The following STAC variants were observed in gnomAD, a reference collection of about 807,000 sequenced individuals.
The protein encoded by STAC is SH3 and cysteine rich domain, also known as SH3 and cysteine-rich domain-containing protein.
Under a neutral mutation model 48.8 loss-of-function variants are expected in STAC, and 43 were observed. The ratio of observed to expected loss-of-function variants is 0.88; its 90% CI spans 0.69 to 1.14. The LOEUF (loss-of-function observed/expected upper bound fraction) is 1.14. Among genes scored for constraint, STAC ranks in the 50% most tolerant of loss-of-function variants. The pLI is 0.00. For missense variants in STAC, 497 were observed against 504.0 expected, an observed-to-expected ratio of 0.99 and a Z score of 0.13; for synonymous variants, 193 against 179.5, an observed-to-expected ratio of 1.07 and a Z score of -0.60.
chr3:36,410,906 A>G (rs1700180268), intron 1 of STAC, among the ~76,000 whole-genome samples: 1 of 152,202 alleles, frequency 6.6e-6, no homozygotes, highest in African/African-American at 2.4e-5. Context: ...GGGACTATAC[A>G]TTTACGGGAT....
chr3:36,426,715 G>A (rs1281291939), intron 1 of STAC, among the ~76,000 whole-genome samples: 6 of 152,134 alleles, frequency 3.9e-5, no homozygotes, highest in South Asian at 2.1e-4. Flanking sequence ...ATTCTATAAC[G>A]TATATGAAAA....
chr3:36,518,398 G>A (rs1254939231), intron 8 of STAC, among the ~76,000 whole-genome samples: 1 of 151,672 alleles, frequency 6.6e-6, no homozygotes, highest in East Asian at 1.9e-4. Flanking sequence ...ATATGATAAT[G>A]GCCATTTTTC....
chr3:36,469,388 T>C (rs1424980155), intron 2 of STAC, among the ~76,000 whole-genome samples: 1 of 152,218 alleles, frequency 6.6e-6, no homozygotes, highest in Non-Finnish European at 1.5e-5. Context: ...ATAATTGTTC[T>C]GTTTAAGGAG....
intron 2 of STAC, among the ~76,000 whole-genome samples, chr3:36,450,013 CTCTA>C (rs141056397): frequency 0.053 from 8,078 of 152,262 alleles, 291 homozygotes; most frequent in Non-Finnish European, 0.076. Flanking sequence ...TTCCTTCCTA[CTCTA>C]TCTTTCTATC....
At chr3:36,545,866 C>T (rs1699432595) in intron 10 of STAC, among the ~76,000 whole-genome samples, 1 of 152,182 alleles carries the variant, frequency 6.6e-6, no homozygotes, top group Middle Eastern at 3.2e-3. Context: ...TGCTAGGCTC[C>T]TTGACAAACA....
chr3:36,527,844 C>A (rs534642590), intron 8 of STAC, among the ~76,000 whole-genome samples: 1 of 152,320 alleles, frequency 6.6e-6, no homozygotes, highest in South Asian at 2.1e-4. Flanking sequence ...GACACACACA[C>A]ACACATGCAC....
At chr3:36,503,077 G>C (rs1489428252) in intron 6 of STAC, among the ~76,000 whole-genome samples, 2 of 152,164 alleles carry the variant, frequency 1.3e-5, no homozygotes, top group Admixed American at 6.5e-5. Context: ...ATAGGTTATA[G>C]AGCTTTCTGT....
At chr3:36,409,164 G>C (rs1362032104) in intron 1 of STAC, among the ~76,000 whole-genome samples, 1 of 152,098 alleles carries the variant, frequency 6.6e-6, no homozygotes, top group Non-Finnish European at 1.5e-5. Context: ...ATAAACGTGG[G>C]TTTGACATAT....
chr3:36,470,168 T>A (rs1697291539), intron 2 of STAC, among the ~76,000 whole-genome samples: 2 of 152,332 alleles, frequency 1.3e-5, no homozygotes, highest in South Asian at 4.1e-4. Context: ...CAGAATTGTT[T>A]TTCTGGTTCT....
intron 10 of STAC, among the ~76,000 whole-genome samples, chr3:36,535,105 G>A (rs1699167816): frequency 6.6e-6 from 1 of 152,152 alleles, no homozygotes; most frequent in African/African-American, 2.4e-5. Flanking sequence ...CTATCCATGA[G>A]CATGGGATGC....
At chr3:36,410,435 C>T (rs865900322) in intron 1 of STAC, among the ~76,000 whole-genome samples, 19 of 152,136 alleles carry the variant, frequency 1.2e-4, no homozygotes, top group Non-Finnish European at 2.5e-4. Context: ...CAACAGCCTA[C>T]GTTTTCCATT....
At chr3:36,455,132 T>C (rs958988677) in intron 2 of STAC, among the ~76,000 whole-genome samples, 3 of 152,082 alleles carry the variant, frequency 2.0e-5, no homozygotes, top group Non-Finnish European at 2.9e-5. Flanking sequence ...TTCCCTAGAG[T>C]TCACCAAATT....
chr3:36,439,767 C>T (rs1696282848), intron 1 of STAC, among the ~76,000 whole-genome samples: 1 of 152,162 alleles, frequency 6.6e-6, no homozygotes, highest in Admixed American at 6.5e-5. Flanking sequence ...GGCTCAATCT[C>T]AATGAATGAT....
At chr3:36,453,353 G>A (rs973772563) in intron 2 of STAC, among the ~76,000 whole-genome samples, 2 of 152,204 alleles carry the variant, frequency 1.3e-5, no homozygotes, top group Non-Finnish European at 2.9e-5. Flanking sequence ...AGGGAGAGGC[G>A]TGGGCGGGAA....
intron 2 of STAC, among the ~76,000 whole-genome samples, chr3:36,481,227 A>C (rs1205267822): frequency 2.0e-5 from 3 of 152,166 alleles, no homozygotes; most frequent in African/African-American, 7.2e-5. Context: ...GCATGGAGGG[A>C]TTGGCCTGAG....
At chr3:36,407,825 TG>T (rs1700114391) in intron 1 of STAC, among the ~76,000 whole-genome samples, 1 of 152,240 alleles carries the variant, frequency 6.6e-6, no homozygotes, top group Non-Finnish European at 1.5e-5. Flanking sequence ...GTTACAAGTC[TG>T]GGTATAGGTT....
At chr3:36,532,494 G>A (rs1259885620) in intron 10 of STAC, among the ~76,000 whole-genome samples, 1 of 152,104 alleles carries the variant, frequency 6.6e-6, no homozygotes, top group Non-Finnish European at 1.5e-5. Flanking sequence ...TTCATTTTCT[G>A]CCCAAAGTTG....
chr3:36,463,346 C>G (rs1326442544), intron 2 of STAC, among the ~76,000 whole-genome samples: 4 of 152,108 alleles, frequency 2.6e-5, no homozygotes, highest in Non-Finnish European at 5.9e-5. Flanking sequence ...AGTCTTCTCT[C>G]TGTCCTCCTT....
chr3:36,525,330 A>G lies in STAC; in HGVS notation c.921-3366A>G, dbSNP rs1698906607. Among the ~76,000 whole-genome samples, 3 of 152,210 alleles carry G rather than the reference A, an allele frequency of 2.0e-5. No individual in the cohort carries two copies. In the South Asian group the frequency reaches 6.2e-4, roughly 32 times the overall value. On this transcript the variant is annotated intron_variant, in intron 8 of 10. Coordinates refer to ENST00000273183, the MANE Select transcript of STAC (RefSeq NM_003149.3). ...AGGACAGAACCCTCATCACACTTCC[A>G]GAAGTATGTCTGGTATTTCTCATAA... is the stretch of plus-strand genomic sequence containing the variant.
Sources: allele counts gnomAD v4.1 joint callset (sites outside exome capture counted in the v4.1 genomes callset), GRCh38; gene constraint gnomAD v4.1.1; transcripts MANE v1.5; gene names NCBI Gene and HGNC (gene_info 2026-07-23, HGNC 2026-07-21).